The following MKRN1 variants were observed in gnomAD, a reference collection of about 807,000 sequenced individuals.
MKRN1 encodes E3 ubiquitin-protein ligase makorin-1.
MKRN1 carries 9 observed loss-of-function variants against 55.5 expected under a neutral mutation model. The ratio of observed to expected loss-of-function variants is 0.16; its 90% confidence interval spans 0.10 to 0.28. The LOEUF (loss-of-function observed/expected upper bound fraction) is 0.28. MKRN1 is among the 10% of genes least tolerant of loss of function. MKRN1 has a pLI of 1.00. For missense variants in MKRN1, 488 were observed against 626.7 expected, an observed-to-expected ratio of 0.78 and a Z score of 2.36; for synonymous variants, 253 against 235.9, an observed-to-expected ratio of 1.07 and a Z score of -0.66.
rs576499628 is a variant in MKRN1 at position 140,479,490 on chromosome 7, G to C, written c.-146C>G. On this transcript the variant is annotated 5_prime_UTR_variant, in exon 1 of 8. Coordinates refer to ENST00000255977, the MANE Select transcript of MKRN1 (RefSeq NM_013446.4). ...TCGGTCCCCGCCTGCTACGCGTCGC[G>C]TATCTGAGCGCTCTCGCCACTTCAA... The C allele has an allele frequency of 2.4e-6, 2 of 837,686 alleles. No individual in the cohort carries two copies. The highest frequency in any genetic ancestry group is 3.5e-5 in the African/African-American group (2 of 56,352). 51.9% of individuals were successfully genotyped at this position (837,686 alleles called of 1,614,324 possible). A position where few individuals can be genotyped will look rare whatever the true frequency, so the allele number is the denominator to read the frequency against.
At chr7:140,476,491 G>T (rs1200383047) in intron 1 of MKRN1, among the ~76,000 whole-genome samples, 1 of 123,756 alleles carries the variant, frequency 8.1e-6, no homozygotes, top group African/African-American at 4.0e-5. Flanking sequence ...AAAAAAAAAG[G>T]AAGATACACA....
At chr7:140,457,719 A>T (rs1289515408) in intron 4 of MKRN1, among the ~76,000 whole-genome samples, 1 of 152,098 alleles carries the variant, frequency 6.6e-6, no homozygotes, top group Non-Finnish European at 1.5e-5. Context: ...AAAATAAAAA[A>T]AATAACACTG....
intron 2 of MKRN1, among the ~76,000 whole-genome samples, chr7:140,467,531 G>C (rs1794808606): frequency 6.6e-6 from 1 of 151,932 alleles, no homozygotes; most frequent in South Asian, 2.1e-4. Flanking sequence ...GCCCACCTCA[G>C]CCTCCCAAAA....
rs780370803 is a variant in MKRN1, at chr7:140,455,183, C to A, written c.1148G>T (p.Gly383Val). ...CGCATGCTTGTAAAAACAGTTCCCT[C>A]CAAATGGGCAGCTCCCACGTCCTTC... ...FDEGRGSCPF[G>V]GNCFYKHAYP... The change falls in exon 7 of 8, where the codon GGA becomes GTA. Residue 383 changes from glycine to valine, a missense_variant. Transcript: ENST00000255977. 6.2e-7 allele frequency: 1 copy of A among 1,614,006 alleles called. No individual in the cohort carries two copies. Among genetic ancestry groups the A allele is most frequent in the African/African-American group, 1.3e-5 (1 of 74,920 alleles).
chr7:140,467,479 T>C (rs10273061), intron 2 of MKRN1, among the ~76,000 whole-genome samples: 1 of 151,588 alleles, frequency 6.6e-6, no homozygotes, highest in Admixed American at 6.6e-5. Context: ...GGTTTAACCA[T>C]GTTGGCCAGG....
chr7:140,454,957 G>A, intron 7 of MKRN1, 138 bp downstream of exon 7: 1 of 1,288,722 alleles, frequency 7.8e-7, no homozygotes, highest in Non-Finnish European at 1.1e-6. Flanking sequence ...GTTTTCTGAG[G>A]TTTGTTTCCT....
chr7:140,470,057 A>AAAT (rs1554449402), intron 2 of MKRN1, among the ~76,000 whole-genome samples: 46 of 141,028 alleles, frequency 3.3e-4, no homozygotes, highest in African/African-American at 1.2e-3. Flanking sequence ...AAAAAAAAAA[A>AAAT]AAAAAAAAAA....
At chr7:140,477,192 G>A (rs964900897) in intron 1 of MKRN1, among the ~76,000 whole-genome samples, 1 of 151,058 alleles carries the variant, frequency 6.6e-6, no homozygotes, top group Non-Finnish European at 1.5e-5. Flanking sequence ...TAGAACAACC[G>A]AAAACAATGT....
intron 1 of MKRN1, chr7:140,473,968 G>A (rs1275595722): frequency 7.2e-6 from 1 of 139,402 alleles, no homozygotes; most frequent in Non-Finnish European, 1.5e-5. Flanking sequence ...CTCTAGCCTG[G>A]GCAACAACAG....
chr7:140,456,456 C>T (rs1257294581), intron 5 of MKRN1, 196 bp downstream of exon 5: 2 of 1,414,950 alleles, frequency 1.4e-6, no homozygotes, highest in Middle Eastern at 2.1e-4. Context: ...AGGGTTTCCT[C>T]ATTCAAATAA....
chr7:140,470,549 C>T (rs1190161401), intron 2 of MKRN1, among the ~76,000 whole-genome samples: 3 of 151,950 alleles, frequency 2.0e-5, no homozygotes, highest in Non-Finnish European at 2.9e-5. Flanking sequence ...TGCGCCACTG[C>T]ACTCCAGCCT....
In MKRN1 at chr7:140,455,190, G is replaced by C; in HGVS notation, c.1141C>G (p.Pro381Ala). 6.2e-7 allele frequency: 1 copy of C among 1,613,886 alleles called. No homozygotes were observed. The highest frequency in any genetic ancestry group is 8.5e-7 in the Non-Finnish European group (1 of 1,179,988). Residue 381 changes from proline (P) to alanine (A), a missense_variant, in exon 7 of 8, where the codon CCA (proline) becomes GCA (alanine). By Grantham distance (27) the Pro-to-Ala change is conservative. Around this residue, in one of 2 missense-constraint regions of MKRN1, gnomAD observed 278 missense variants for 406.7 expected, o/e 0.68. Transcript: ENST00000255977. ...TTGTAAAAACAGTTCCCTCCAAATGGGCAGCTCCCACGTCCTTCATCAAAA... is the reference window on the plus strand; with the variant it reads ...TTGTAAAAACAGTTCCCTCCAAATGCGCAGCTCCCACGTCCTTCATCAAAA... ...RYFDEGRGSC[P>A]FGGNCFYKHA...
At chr7:140,467,627 CA>C (rs1190031324) in intron 2 of MKRN1, among the ~76,000 whole-genome samples, 4 of 152,104 alleles carry the variant, frequency 2.6e-5, no homozygotes, top group Non-Finnish European at 4.4e-5. Flanking sequence ...AGAGGCTCAC[CA>C]AAATAGGGAA....
chr7:140,469,987 G>A (rs113944210), intron 2 of MKRN1, among the ~76,000 whole-genome samples: 2,079 of 148,224 alleles, frequency 0.014, 50 homozygotes, highest in African/African-American at 0.049. Context: ...GGTGGAGGTT[G>A]CAGTGAGCTG....
chr7:140,473,156 T>C (rs1389468686), intron 1 of MKRN1: 1 of 386,354 alleles, frequency 2.6e-6, no homozygotes. Context: ...GAATTTCTCC[T>C]CCAAACAAAA....
chr7:140,457,706 A>T (rs1794507485), intron 4 of MKRN1, among the ~76,000 whole-genome samples: 1 of 150,374 alleles, frequency 6.7e-6, no homozygotes, highest in East Asian at 1.9e-4. Context: ...TCAAAAAAAA[A>T]TAAAAATAAA....
In MKRN1 at chr7:140,456,921, T is replaced by C; in HGVS notation, c.772-55A>G. On this transcript the variant is annotated intron_variant, in intron 4 of 7. Transcript: ENST00000255977. Reference sequence around the variant, plus strand: ...ATCCAGTCATTGAACCCTGAAAAACTTGAGCAACAGTTAATGATTCACAGT... The same window carrying C: ...ATCCAGTCATTGAACCCTGAAAAACCTGAGCAACAGTTAATGATTCACAGT... The C allele has an allele frequency of 2.0e-6, 3 of 1,523,458 alleles. No homozygotes were observed. In the South Asian group the frequency reaches 3.5e-5, roughly 18 times the overall value. 94.4% of individuals were successfully genotyped at this position (1,523,458 alleles called of 1,614,324 possible).
intron 5 of MKRN1, 31 bp downstream of exon 5, chr7:140,456,621 A>T (rs1383234529): frequency 1.2e-6 from 2 of 1,606,448 alleles, no homozygotes; most frequent in Admixed American, 3.4e-5. Flanking sequence ...CAAAAGAGAA[A>T]GCACAAATGA....
intron 3 of MKRN1, among the ~76,000 whole-genome samples, 183 bp downstream of exon 3, chr7:140,459,524 T>C (rs189123165): frequency 3.3e-5 from 5 of 152,336 alleles, no homozygotes; most frequent in Admixed American, 2.6e-4. Flanking sequence ...TGAATTCATT[T>C]CACTGGGATT....
Sources: gnomAD v4.1 joint callset for allele counts (sites outside exome capture counted in the v4.1 genomes callset) on GRCh38, gnomAD v4.1.1 for gene constraint, gnomAD v4.1.1 regional missense constraint, MANE v1.5 for transcripts, NCBI Gene and HGNC (gene_info 2026-07-23, HGNC 2026-07-21) for gene names.